The following CYP2U1 variants were observed in gnomAD, a reference collection of about 807,000 sequenced individuals.
CYP2U1 encodes the protein cytochrome P450 family 2 subfamily U member 1.
A neutral mutation model predicts 42.8 loss-of-function variants in CYP2U1; 28 were observed. The ratio of observed to expected loss-of-function variants is 0.65; its 90% CI spans 0.48 to 0.90. The LOEUF (loss-of-function observed/expected upper bound fraction) is 0.90, where lower values mean the gene tolerates loss of function less well. CYP2U1 is among the 40% of genes least tolerant of loss of function. CYP2U1 has a pLI of 0.00. For synonymous variants in CYP2U1, 296 were observed against 278.9 expected, an observed-to-expected ratio of 1.06 and a Z score of -0.61; for missense variants, 642 against 693.8, an observed-to-expected ratio of 0.93 and a Z score of 0.84.
rs1354878849 is a variant in CYP2U1, at chr4:107,947,463, C to T, written c.1214C>T (p.Ala405Val). ...TDKAQMPYTE[A>V]TIMEVQRLTV... The stretch of plus-strand genomic sequence containing the variant: ...AAGGCCCAGATGCCCTACACAGAAG[C>T]CACCATCATGGAAGTGCAGAGGCTA... Residue 405 changes from alanine to valine, a missense_variant, in exon 3 of 5, where the codon GCC becomes GTC. Transcript: ENST00000332884. 4 of 1,614,168 alleles carry T rather than the reference C, an allele frequency of 2.5e-6. No homozygotes were observed. The Admixed American group carries it at 5.0e-5, about 20-fold the overall frequency.
At chr4:107,946,551 A>C (rs1191488985) in intron 2 of CYP2U1, among the ~76,000 whole-genome samples, 1 of 151,598 alleles carries the variant, frequency 6.6e-6, no homozygotes, top group Non-Finnish European at 1.5e-5. Context: ...TATTCTGCCT[A>C]CTATAGATGT....
chr4:107,946,960 C>G (rs954052959), intron 2 of CYP2U1, among the ~76,000 whole-genome samples: 1 of 152,144 alleles, frequency 6.6e-6, no homozygotes, highest in African/African-American at 2.4e-5. Context: ...CTTGGTCACA[C>G]AGACCAACTT....
At chr4:107,946,679 AG>A (rs1467602391) in intron 2 of CYP2U1, among the ~76,000 whole-genome samples, 2 of 152,194 alleles carry the variant, frequency 1.3e-5, no homozygotes, top group African/African-American at 4.8e-5. Context: ...TCAGGAATCC[AG>A]GAATGACTTC....
rs1459143146 is a variant in CYP2U1 at position 107,932,115 on chromosome 4, A to C, written c.472A>C (p.Ile158Leu). The change falls in exon 1 of 5, where the codon ATC (isoleucine) becomes CTC (leucine). Residue 158 changes from isoleucine (I) to leucine (L), a missense_variant. Coordinates refer to ENST00000332884, the MANE Select transcript of CYP2U1 (RefSeq NM_183075.3). ...CCGCCCGCGGGTGCCGCTCATCTCC[A>C]TCGTGACCAAGGAGAAGGGTGAGCG... is the stretch of plus-strand genomic sequence containing the variant. Reference protein sequence around the residue: ...SDRPRVPLISIVTKEKGVVFA... With the variant: ...SDRPRVPLISLVTKEKGVVFA... 3.1e-6 allele frequency: 5 copies of C among 1,603,788 alleles called. No homozygotes were observed. Among genetic ancestry groups the C allele is most frequent in the Non-Finnish European group, 4.3e-6 (5 of 1,176,148 alleles).
intron 3 of CYP2U1, 55 bp downstream of exon 3, chr4:107,947,592 T>G (rs1733746750): frequency 3.8e-6 from 6 of 1,587,182 alleles, no homozygotes; most frequent in South Asian, 3.4e-5. Flanking sequence ...GGCCCTCTAA[T>G]CCAGGGTAGT....
chr4:107,942,784 C>A (rs1389125812), intron 1 of CYP2U1, among the ~76,000 whole-genome samples: 1 of 152,018 alleles, frequency 6.6e-6, no homozygotes, highest in African/African-American at 2.4e-5. Context: ...ATACCTAACA[C>A]AAATATAAAT....
rs778415352 is a variant in CYP2U1, at chr4:107,945,465, G to A, written c.986G>A (p.Arg329Lys). Residue 329 changes from arginine to lysine, a missense_variant, in exon 2 of 5, where the codon AGG becomes AAG. By Grantham distance (26) the Arg-to-Lys change is conservative. Coordinates refer to ENST00000332884, the MANE Select transcript of CYP2U1 (RefSeq NM_183075.3). ...DMYLLHMEEE[R>K]KNNSNSSFDE... ...TACCTTCTCCACATGGAAGAGGAGA[G>A]GAAAAATAATAGTAACAGCAGTTTT... 1.9e-6 allele frequency: 3 copies of A among 1,613,960 alleles called. No homozygotes were observed. The highest frequency in any genetic ancestry group is 8.5e-7 in the Non-Finnish European group (1 of 1,180,022).
chr4:107,931,696 C>T lies in CYP2U1; in HGVS notation c.53C>T (p.Ala18Val). Reference protein sequence around the residue: ...QPPAEDPPWPARLLRAPLGLL... With the variant: ...QPPAEDPPWPVRLLRAPLGLL... ...CCGGCCGAGGACCCGCCCTGGCCCG[C>T]GCGCCTCCTGCGTGCGCCTCTGGGG... Residue 18 changes from alanine to valine, a missense_variant, in exon 1 of 5, where the codon GCG becomes GTG. Coordinates refer to ENST00000332884, the MANE Select transcript of CYP2U1 (RefSeq NM_183075.3). 4.5e-6 allele frequency: 6 copies of T among 1,340,180 alleles called. No homozygotes were observed. Among genetic ancestry groups the T allele is most frequent in the Non-Finnish European group, 5.7e-6 (6 of 1,054,950 alleles). 83.0% of individuals were successfully genotyped at this position (1,340,180 alleles called of 1,614,324 possible).
intron 1 of CYP2U1, among the ~76,000 whole-genome samples, chr4:107,933,229 A>G (rs1035596283): frequency 6.6e-6 from 1 of 152,236 alleles, no homozygotes; most frequent in Admixed American, 6.5e-5. Flanking sequence ...GTTTTGCAAG[A>G]TGAAAAAAGT....
chr4:107,943,766 A>C (rs562692879), intron 1 of CYP2U1, among the ~76,000 whole-genome samples: 1 of 152,340 alleles, frequency 6.6e-6, no homozygotes, highest in Admixed American at 6.5e-5. Context: ...AGCTGTATCT[A>C]CTGCACCCCA....
intron 1 of CYP2U1, among the ~76,000 whole-genome samples, chr4:107,942,083 G>A (rs1313640977): frequency 1.3e-5 from 2 of 152,190 alleles, no homozygotes; most frequent in African/African-American, 4.8e-5. Flanking sequence ...TAGAAATGAA[G>A]TGTATCTGCG....
rs959668671 is a variant in CYP2U1, at chr4:107,932,036, C to T, written c.393C>T (p.Ser131=). The T allele has an allele frequency of 6.4e-6, 10 of 1,571,214 alleles. No homozygotes were observed. Among genetic ancestry groups the T allele is most frequent in the African/African-American group, 2.7e-5 (2 of 73,814 alleles). Residue 131 remains serine (S), a synonymous_variant, in exon 1 of 5, where the codon AGC becomes AGT. Transcript: ENST00000332884. ...FIGHYLVVVL[S]DFHSVREALV... ...GCCACTACCTGGTGGTGGTCCTCAG[C>T]GACTTCCACAGCGTGCGCGAGGCGC...
chr4:107,945,391 C>T lies in CYP2U1; in HGVS notation c.912C>T (p.Asp304=), dbSNP rs1206713464. Residue 304 remains aspartate, a synonymous_variant, in exon 2 of 5, where the codon GAC becomes GAT. Transcript: ENST00000332884. The part of the protein sequence containing the change: ...ITSFLKKIIK[D]HQESLDRENP... ...GTTTCCTTAAAAAAATCATCAAAGA[C>T]CATCAAGAGTCTCTGGATAGAGAGA... The T allele has an allele frequency of 6.2e-7, 1 of 1,613,962 alleles. No homozygotes were observed.
intron 1 of CYP2U1, among the ~76,000 whole-genome samples, chr4:107,942,622 A>G (rs1174845049): frequency 6.6e-6 from 1 of 152,174 alleles, no homozygotes; most frequent in African/African-American, 2.4e-5. Flanking sequence ...AAACTGGCCC[A>G]CCCCTATATA....
At position 107,931,994 on chromosome 4, in the gene CYP2U1, C is replaced by T. The variant is rs760339720; in HGVS notation, c.351C>T (p.Ile117=). Residue 117 remains isoleucine (I), a synonymous_variant, in exon 1 of 5, where the codon ATC becomes ATT. Transcript: ENST00000332884. ...LAHLARVYGS[I]FSFFIGHYLV... is the part of the protein sequence containing the mutation. ...ACCTAGCCCGCGTGTACGGCAGCAT[C>T]TTCAGCTTCTTTATCGGCCACTACC... The T allele has an allele frequency of 1.3e-6, 2 of 1,554,706 alleles. No individual in the cohort carries two copies. The highest frequency in any genetic ancestry group is 1.2e-5 in the South Asian group (1 of 84,254).
Position 107,945,499 on chromosome 4 carries a change from G to A in CYP2U1, c.1020G>A (p.Glu340=). 4 of 1,614,048 alleles carry A rather than the reference G, an allele frequency of 2.5e-6. No individual in the cohort carries two copies. Among genetic ancestry groups the A allele is most frequent in the Non-Finnish European group, 3.4e-6 (4 of 1,180,006 alleles). The stretch of plus-strand genomic sequence containing the variant: ...ATAGTAACAGCAGTTTTGATGAAGA[G>A]TACTTATTTTATATCATTGGGGATC... The part of the protein sequence containing the change: ...KNNSNSSFDE[E]YLFYIIGDLF... The change falls in exon 2 of 5, where the codon GAG becomes GAA. Residue 340 remains glutamate (E), a synonymous_variant. Transcript: ENST00000332884.
rs1220248407 is a variant in CYP2U1 at position 107,952,505 on chromosome 4, A to G, written c.*2082A>G. 3 of 152,246 alleles carry G rather than the reference A, an allele frequency of 2.0e-5. No homozygotes were observed. The highest frequency in any genetic ancestry group is 4.4e-5 in the Non-Finnish European group (3 of 68,058). The allele number at this position is 152,246 out of a possible 1,614,324, so 9.4% of individuals were successfully genotyped here. A position where few individuals can be genotyped will look rare whatever the true frequency, so the allele number is the denominator to read the frequency against. On this transcript the variant is annotated 3_prime_UTR_variant, in exon 5 of 5. Transcript: ENST00000332884. ...TGGCTGTTACTTTGAAAATTAAACG[A>G]AAGATGAAATTCTGAACTTAAAACA...
chr4:107,943,776 A>G (rs1003104106), intron 1 of CYP2U1, among the ~76,000 whole-genome samples: 11 of 152,204 alleles, frequency 7.2e-5, no homozygotes, highest in Admixed American at 5.9e-4. Flanking sequence ...ACTGCACCCC[A>G]TGCCTGGCAA....
In CYP2U1 at chr4:107,945,550, A is replaced by AG. The variant is rs773899137; in HGVS notation, c.1071_1072insG (p.Thr358AspfsTer2). The AG allele has an allele frequency of 6.2e-7, 1 of 1,610,412 alleles. No individual in the cohort carries two copies. The highest frequency in any genetic ancestry group is 1.7e-5 in the Admixed American group (1 of 59,810). ...TCTTTATTGCTGGGACTGATACCAC[A>AG]ACTAACTCTTTGCTCTGGTGCCTGC... On this transcript the variant is annotated frameshift_variant, in exon 2 of 5. Transcript: ENST00000332884. LOFTEE classifies it high-confidence loss of function.
Sources: allele counts gnomAD v4.1 joint callset (sites outside exome capture counted in the v4.1 genomes callset), GRCh38; gene constraint gnomAD v4.1.1; transcripts MANE v1.5; gene names NCBI Gene and HGNC (gene_info 2026-07-23, HGNC 2026-07-21).